The following SNTG1 variants were observed in gnomAD, a reference collection of about 807,000 sequenced individuals.
SNTG1 encodes syntrophin gamma 1, also known as gamma-1-syntrophin.
Under a neutral mutation model 74.7 loss-of-function variants are expected in SNTG1, and 39 were observed. The observed-to-expected ratio is 0.52, with a 90% CI of 0.40 to 0.68. The LOEUF (loss-of-function observed/expected upper bound fraction) is 0.68. SNTG1 is among the 30% of genes least tolerant of loss of function. The pLI is 0.00. For missense variants in SNTG1, 685 were observed against 609.5 expected, an observed-to-expected ratio of 1.12 and a Z score of -1.30; for synonymous variants, 254 against 217.1, an observed-to-expected ratio of 1.17 and a Z score of -1.49.
intron 2 of SNTG1, among the ~76,000 whole-genome samples, chr8:50,195,478 T>C (rs1184235904): frequency 6.6e-6 from 1 of 152,128 alleles, no homozygotes; most frequent in Non-Finnish European, 1.5e-5. Context: ...CCCGTTCAAA[T>C]TGTTACAAAA....
At chr8:49,973,475 G>C (rs535988393) in intron 1 of SNTG1, among the ~76,000 whole-genome samples, 1 of 151,360 alleles carries the variant, frequency 6.6e-6, no homozygotes, top group Non-Finnish European at 1.5e-5. Context: ...TAACTAACCT[G>C]CACGTTGTGC....
At chr8:49,966,530 G>T (rs1020901473) in intron 1 of SNTG1, among the ~76,000 whole-genome samples, 1 of 151,828 alleles carries the variant, frequency 6.6e-6, no homozygotes, top group African/African-American at 2.4e-5. Context: ...TAGTAGCTGG[G>T]ACTACAGGCA....
At chr8:50,636,405 AC>A (rs1249802782) in intron 13 of SNTG1, among the ~76,000 whole-genome samples, 1 of 151,746 alleles carries the variant, frequency 6.6e-6, no homozygotes, top group African/African-American at 2.4e-5. Context: ...TTTATTTAAG[AC>A]CCCAGAGCAC....
chr8:50,065,626 C>A (rs987028139), intron 1 of SNTG1, among the ~76,000 whole-genome samples: 2 of 152,066 alleles, frequency 1.3e-5, no homozygotes, highest in Non-Finnish European at 2.9e-5. Flanking sequence ...ATATTATAGA[C>A]GTTTTCAGGA....
chr8:50,539,843 G>C (rs892363021), intron 11 of SNTG1, among the ~76,000 whole-genome samples: 19 of 152,180 alleles, frequency 1.2e-4, no homozygotes, highest in African/African-American at 4.3e-4. Flanking sequence ...GACTGGATTT[G>C]GGCAGGTATT....
intron 9 of SNTG1, among the ~76,000 whole-genome samples, chr8:50,517,369 A>C (rs2094142070): frequency 6.6e-6 from 1 of 152,182 alleles, no homozygotes; most frequent in South Asian, 2.1e-4. Flanking sequence ...CATCAATGCC[A>C]TTAACAAGCT....
At chr8:50,348,284 AG>A (rs1251448066) in intron 2 of SNTG1, among the ~76,000 whole-genome samples, 1 of 152,172 alleles carries the variant, frequency 6.6e-6, no homozygotes, top group Non-Finnish European at 1.5e-5. Context: ...GGCCCTTGGA[AG>A]GCATATTTTC....
chr8:50,484,141 T>TTTCTTTCC (rs1554542599), intron 8 of SNTG1, among the ~76,000 whole-genome samples: 2,123 of 92,670 alleles, frequency 0.023, 49 homozygotes, highest in South Asian at 0.069. Context: ...TCTTTCCTTC[T>TTTCTTTCC]TTCTTTCTTT....
chr8:50,036,527 T>C (rs1818181027), intron 1 of SNTG1, among the ~76,000 whole-genome samples: 1 of 152,204 alleles, frequency 6.6e-6, no homozygotes, highest in Non-Finnish European at 1.5e-5. Context: ...TACTGCACTC[T>C]ATCATCCCAG....
Position 50,328,704 on chromosome 8 carries a change from T to C in SNTG1, c.-27-65508T>C, listed in dbSNP as rs190304511. 4.6e-4 allele frequency among the ~76,000 whole-genome samples: 70 copies of C among 152,314 alleles called. 1 individual carries two copies. In the East Asian group the frequency reaches 0.012, roughly 26 times the overall value. ...TTCCCTAGATGTGTGGATTTTATAA[T>C]GTGAGGTGAGATTTGGGTTGGGACA... On this transcript the variant is annotated intron_variant, in intron 2 of 18. Coordinates refer to ENST00000642720, the MANE Select transcript of SNTG1 (RefSeq NM_018967.5).
In SNTG1 at chr8:50,015,553, C is replaced by T. The variant is rs148560164; in HGVS notation, c.-103+103322C>T. Among the ~76,000 whole-genome samples, 601 of 152,144 alleles carry T rather than the reference C, an allele frequency of 4.0e-3. 7 individuals carry two copies. Among genetic ancestry groups the T allele is most frequent in the African/African-American group, 0.012 (501 of 41,512 alleles). ...GTACACATTCAAGATACTCAACAAT[C>T]TCCAAGTAGAATAAGCTCAAAGAGA... On this transcript the variant is annotated intron_variant, in intron 1 of 18. Transcript: ENST00000642720.
intron 2 of SNTG1, among the ~76,000 whole-genome samples, chr8:50,242,832 A>C (rs764916658): frequency 6.6e-6 from 1 of 151,172 alleles, no homozygotes; most frequent in Non-Finnish European, 1.5e-5. Flanking sequence ...GTAAATAAAC[A>C]TAGAAAATAT....
At chr8:50,656,132 ATCC>A (rs1199999001) in intron 13 of SNTG1, among the ~76,000 whole-genome samples, 1 of 152,178 alleles carries the variant, frequency 6.6e-6, no homozygotes, top group African/African-American at 2.4e-5. Context: ...TGGGAGGTAT[ATCC>A]TCCCGCACAG....
intron 17 of SNTG1, among the ~76,000 whole-genome samples, chr8:50,740,490 A>G (rs2095540539): frequency 6.6e-6 from 1 of 151,722 alleles, no homozygotes; most frequent in Admixed American, 6.6e-5. Context: ...CAAAACAAAA[A>G]CAATGCTGAC....
At chr8:50,111,216 C>G (rs2080574140) in intron 1 of SNTG1, among the ~76,000 whole-genome samples, 1 of 152,102 alleles carries the variant, frequency 6.6e-6, no homozygotes, top group African/African-American at 2.4e-5. Flanking sequence ...ACTGTACTTT[C>G]CTGCTATGGA....
chr8:50,757,167 G>T (rs117002638), intron 18 of SNTG1, among the ~76,000 whole-genome samples: 7 of 151,758 alleles, frequency 4.6e-5, no homozygotes, highest in African/African-American at 1.7e-4. Flanking sequence ...TTTTTATCAC[G>T]CATGAGTGTC....
chr8:50,155,489 C>A (rs2082224573), intron 1 of SNTG1, among the ~76,000 whole-genome samples: 1 of 151,944 alleles, frequency 6.6e-6, no homozygotes, highest in Admixed American at 6.6e-5. Context: ...ATATTTGTGA[C>A]CTTTGGCTAG....
intron 2 of SNTG1, 37 bp from the exon 3 acceptor site, chr8:50,394,175 C>A: frequency 1.9e-6 from 3 of 1,539,320 alleles, no homozygotes; most frequent in Middle Eastern, 1.7e-4. Context: ...ACATGCCATG[C>A]TGTGCCTAAT....
At chr8:49,973,365 G>A (rs931888517) in intron 1 of SNTG1, among the ~76,000 whole-genome samples, 5 of 151,896 alleles carry the variant, frequency 3.3e-5, no homozygotes, top group Admixed American at 1.3e-4. Context: ...GCCTGTTGTG[G>A]GGTGGGGGGA....
Sources: gnomAD v4.1 joint callset for allele counts (sites outside exome capture counted in the v4.1 genomes callset) on GRCh38, gnomAD v4.1.1 for gene constraint, MANE v1.5 for transcripts, NCBI Gene and HGNC (gene_info 2026-07-23, HGNC 2026-07-21) for gene names.